PDS5B: variants seen among roughly 807,000 people sequenced by gnomAD.
The protein encoded by PDS5B is PDS5 cohesin associated factor B, also known as sister chromatid cohesion protein PDS5 homolog B.
PDS5B carries 51 observed loss-of-function variants against 184.1 expected under a neutral mutation model. The observed-to-expected ratio is 0.28, with a 90% CI of 0.22 to 0.35. The LOEUF (loss-of-function observed/expected upper bound fraction) is 0.35, where lower values mean the gene tolerates loss of function less well. Among genes scored for constraint, PDS5B ranks in the 10% least tolerant of loss-of-function variants. The pLI, the probability that PDS5B is intolerant of heterozygous loss-of-function variation, is 1.00. For missense variants in PDS5B, 1,180 were observed against 1,723.3 expected (o/e 0.68, Z 5.58); for synonymous variants, 566 against 569.2 (o/e 0.99, Z 0.08).
At chr13:32,748,195 T>C (rs932015605) in intron 24 of PDS5B, among the ~76,000 whole-genome samples, 1 of 152,202 alleles carries the variant, frequency 6.6e-6, no homozygotes. Flanking sequence ...AATCATATGC[T>C]CATCTCCTCT....
intron 11 of PDS5B, among the ~76,000 whole-genome samples, chr13:32,685,522 CTA>C (rs1208633435): frequency 6.6e-6 from 1 of 152,132 alleles, no homozygotes; most frequent in Non-Finnish European, 1.5e-5. Context: ...AAATAATTGA[CTA>C]TATACATGTT....
chr13:32,643,686 G>A (rs1038644081), intron 1 of PDS5B, among the ~76,000 whole-genome samples: 1 of 152,084 alleles, frequency 6.6e-6, no homozygotes, highest in African/African-American at 2.4e-5. Flanking sequence ...ACAGTATTCA[G>A]TACAGTAACA....
intron 1 of PDS5B, among the ~76,000 whole-genome samples, chr13:32,619,673 G>A (rs773284794): frequency 2.0e-5 from 3 of 152,072 alleles, no homozygotes; most frequent in Non-Finnish European, 4.4e-5. Context: ...AAGATGATAG[G>A]AATTTTCCAG....
chr13:32,730,546 A>G (rs1342295902), intron 19 of PDS5B, among the ~76,000 whole-genome samples: 1 of 152,084 alleles, frequency 6.6e-6, no homozygotes, highest in African/African-American at 2.4e-5. Flanking sequence ...CAGTATGGCC[A>G]TTTTCACGAC....
intron 28 of PDS5B, among the ~76,000 whole-genome samples, chr13:32,758,983 G>T (rs1165214331): frequency 2.0e-5 from 3 of 151,972 alleles, no homozygotes; most frequent in Non-Finnish European, 2.9e-5. Context: ...CCCTTTATTG[G>T]GATTTATAAT....
At chr13:32,711,819 A>G (rs1034120566) in intron 19 of PDS5B, among the ~76,000 whole-genome samples, 1 of 152,348 alleles carries the variant, frequency 6.6e-6, no homozygotes, top group Admixed American at 6.5e-5. Flanking sequence ...ATACCCACTC[A>G]TTATGTATAA....
intron 1 of PDS5B, among the ~76,000 whole-genome samples, chr13:32,636,088 T>A (rs2045458637): frequency 1.3e-5 from 2 of 152,158 alleles, no homozygotes; most frequent in African/African-American, 2.4e-5. Flanking sequence ...GATTCTTAAT[T>A]TCCAATTCAG....
At chr13:32,649,948 A>T (rs1950327534) in intron 2 of PDS5B, 1 of 152,038 alleles carries the variant, frequency 6.6e-6, no homozygotes, top group African/African-American at 2.4e-5. Context: ...CCTTCTCTTG[A>T]CCTATTGCAT....
chr13:32,703,854 A>C (rs1044189287), intron 17 of PDS5B, among the ~76,000 whole-genome samples: 2 of 152,052 alleles, frequency 1.3e-5, no homozygotes, highest in South Asian at 2.1e-4. Context: ...AATTATTAAT[A>C]AGGTTGAACT....
chr13:32,762,992 T>C (rs750342808), intron 30 of PDS5B, among the ~76,000 whole-genome samples: 15 of 152,214 alleles, frequency 9.9e-5, no homozygotes, highest in Non-Finnish European at 1.9e-4. Flanking sequence ...TCCTAATTTA[T>C]ACTTTTTCAA....
At chr13:32,773,345 T>C in intron 34 of PDS5B, 21 bp downstream of exon 34, 1 of 1,596,786 alleles carries the variant, frequency 6.3e-7, no homozygotes, top group Non-Finnish European at 8.5e-7. Flanking sequence ...AAAGTTTCTG[T>C]GAGTGGTGTG....
At chr13:32,758,301 A>G in intron 27 of PDS5B, 82 bp downstream of exon 27, 1 of 1,146,084 alleles carries the variant, frequency 8.7e-7, no homozygotes, top group Non-Finnish European at 1.2e-6. Flanking sequence ...TGTAGTATTT[A>G]TAGATAGCAT....
chr13:32,654,823 G>A (rs886702219), intron 3 of PDS5B, among the ~76,000 whole-genome samples: 1 of 152,102 alleles, frequency 6.6e-6, no homozygotes, highest in African/African-American at 2.4e-5. Flanking sequence ...TTAGGATAAT[G>A]GCTTCCAGTG....
intron 1 of PDS5B, among the ~76,000 whole-genome samples, chr13:32,612,742 T>C (rs2058162374): frequency 6.6e-6 from 1 of 152,198 alleles, no homozygotes; most frequent in Admixed American, 6.5e-5. Flanking sequence ...GAGGCCCTTT[T>C]CTCTTTCTTT....
At chr13:32,601,425 G>T (rs1195049652) in intron 1 of PDS5B, among the ~76,000 whole-genome samples, 1 of 152,152 alleles carries the variant, frequency 6.6e-6, no homozygotes, top group East Asian at 1.9e-4. Context: ...ATAAGAATAG[G>T]TTATTTGATG....
intron 1 of PDS5B, among the ~76,000 whole-genome samples, chr13:32,601,123 A>G (rs2057967512): frequency 6.6e-6 from 1 of 152,088 alleles, no homozygotes; most frequent in African/African-American, 2.4e-5. Context: ...AATCTCCTCC[A>G]CTATACTTCC....
intron 19 of PDS5B, among the ~76,000 whole-genome samples, chr13:32,725,624 A>G (rs1952871397): frequency 6.6e-6 from 1 of 152,194 alleles, no homozygotes; most frequent in Non-Finnish European, 1.5e-5. Context: ...TTTTTGAAAG[A>G]TGAAATTCAT....
chr13:32,744,832 T>G (rs1953688125), intron 23 of PDS5B, among the ~76,000 whole-genome samples: 2 of 152,176 alleles, frequency 1.3e-5, no homozygotes, highest in Non-Finnish European at 2.9e-5. Context: ...CCAACTAGAT[T>G]ATTAAGTCTT....
chr13:32,688,802 G>T lies in PDS5B; in HGVS notation c.1469+233G>T, dbSNP rs193248784. On this transcript the variant is annotated intron_variant, in intron 13 of 34. Transcript: ENST00000315596. ...AGCTGATTGACATGAAATCTTTTAG[G>T]ATTTGAGTTTTCTATTCATATTGTT... The T allele has an allele frequency of 6.8e-6, 3 of 444,300 alleles. No homozygotes were observed. The East Asian group carries it at 1.2e-4, about 17-fold the overall frequency. 27.5% of individuals were successfully genotyped at this position (444,300 alleles called of 1,614,324 possible).
Sources: allele counts gnomAD v4.1 joint callset (sites outside exome capture counted in the v4.1 genomes callset), GRCh38; gene constraint gnomAD v4.1.1; transcripts MANE v1.5; gene names NCBI Gene and HGNC (gene_info 2026-07-23, HGNC 2026-07-21).